The following LIMD1 variants were observed in gnomAD, a reference collection of about 807,000 sequenced individuals.
The protein encoded by LIMD1 is LIM domain-containing protein 1.
Under a neutral mutation model 58.4 loss-of-function variants are expected in LIMD1, and 23 were observed. That is an observed-to-expected ratio of 0.39 (90% CI 0.28 to 0.56). LIMD1 has a LOEUF of 0.56. Among genes scored for constraint, LIMD1 ranks in the 20% least tolerant of loss-of-function variants. The pLI, the probability that LIMD1 is intolerant of heterozygous loss-of-function variation, is 0.57. For synonymous variants in LIMD1, 334 were observed against 345.5 expected, an observed-to-expected ratio of 0.97 and a Z score of 0.37; for missense variants, 838 against 855.5, an observed-to-expected ratio of 0.98 and a Z score of 0.25.
chr3:45,630,787 T>C (rs1246849272), intron 1 of LIMD1, among the ~76,000 whole-genome samples: 2 of 152,170 alleles, frequency 1.3e-5, no homozygotes, highest in South Asian at 2.1e-4. Context: ...ACCTTTGAGT[T>C]GGAACTGGGG....
intron 2 of LIMD1, among the ~76,000 whole-genome samples, chr3:45,663,662 C>G (rs907719544): frequency 6.6e-6 from 1 of 151,914 alleles, no homozygotes; most frequent in African/African-American, 2.4e-5. Flanking sequence ...GCTCATTTCC[C>G]CATTGGATTA....
At chr3:45,607,686 C>T (rs1701480865) in intron 1 of LIMD1, among the ~76,000 whole-genome samples, 1 of 151,954 alleles carries the variant, frequency 6.6e-6, no homozygotes, top group African/African-American at 2.4e-5. Flanking sequence ...AGGCACCCCT[C>T]TTAGCAGGCA....
chr3:45,595,667 G>T lies in LIMD1; in HGVS notation c.788G>T (p.Trp263Leu). The change falls in exon 1 of 8, where the codon TGG becomes TTG. Residue 263 changes from tryptophan (W) to leucine (L), a missense_variant. Trp to Leu is a moderately conservative substitution (Grantham distance 61, BLOSUM62 -2). Coordinates refer to ENST00000273317, the MANE Select transcript of LIMD1 (RefSeq NM_014240.3). ...GRSSEKPTGL[W>L]STASSQRVSP... ...AGCAGCGAGAAGCCAACAGGCCTTT[G>T]GTCCACTGCCTCCTCCCAGCGGGTG... 1.2e-6 allele frequency: 2 copies of T among 1,614,178 alleles called. No individual in the cohort carries two copies. Among genetic ancestry groups the T allele is most frequent in the African/African-American group, 2.7e-5 (2 of 75,068 alleles).
chr3:45,595,109 C>T lies in LIMD1; in HGVS notation c.230C>T (p.Pro77Leu). 1 of 1,610,476 alleles carries T rather than the reference C, an allele frequency of 6.2e-7. No homozygotes were observed. Among genetic ancestry groups the T allele is most frequent in the Non-Finnish European group, 8.5e-7 (1 of 1,178,152 alleles). The change falls in exon 1 of 8, where the codon CCT (proline) becomes CTT (leucine). Residue 77 changes from proline to leucine, a missense_variant. This residue lies in a region of LIMD1 where 659 missense variants were observed against 639.8 expected (regional missense o/e 1.03). Transcript: ENST00000273317. ...EETLPRGSRG[P>L]VNGGGRLGPQ... The stretch of plus-strand genomic sequence containing the variant: ...ACTCTGCCCAGGGGGAGTAGAGGCC[C>T]TGTCAATGGAGGGGGCCGCCTGGGC...
intron 1 of LIMD1, among the ~76,000 whole-genome samples, chr3:45,622,914 C>T (rs918502721): frequency 1.3e-5 from 2 of 152,108 alleles, no homozygotes; most frequent in South Asian, 2.1e-4. Context: ...GTGATGATCC[C>T]GCCTTGGCCT....
intron 2 of LIMD1, among the ~76,000 whole-genome samples, chr3:45,647,128 A>G (rs539313097): frequency 1.3e-5 from 2 of 152,334 alleles, no homozygotes; most frequent in East Asian, 3.9e-4. Flanking sequence ...ACCCCCAAAA[A>G]TGTATGCTGT....
At chr3:45,656,665 G>C (rs568177211) in intron 2 of LIMD1, among the ~76,000 whole-genome samples, 2 of 151,974 alleles carry the variant, frequency 1.3e-5, no homozygotes, top group Non-Finnish European at 2.9e-5. Flanking sequence ...TTACAGGCAC[G>C]CACCACCACA....
chr3:45,609,497 C>T (rs372162669), intron 1 of LIMD1, among the ~76,000 whole-genome samples: 1 of 152,150 alleles, frequency 6.6e-6, no homozygotes, highest in African/African-American at 2.4e-5. Flanking sequence ...CATGTGCCAC[C>T]GCGCCTGGCT....
rs923181432 is a variant in LIMD1, at chr3:45,678,099, T to C, written c.*1040T>C. 1 of 152,650 alleles carries C rather than the reference T, an allele frequency of 6.6e-6. No homozygotes were observed. Among genetic ancestry groups the C allele is most frequent in the South Asian group, 2.1e-4 (1 of 4,838 alleles). 9.5% of individuals were successfully genotyped at this position (152,650 alleles called of 1,614,324 possible). On this transcript the variant is annotated 3_prime_UTR_variant, in exon 8 of 8. Coordinates refer to ENST00000273317, the MANE Select transcript of LIMD1 (RefSeq NM_014240.3). ...AGGATAAGTTATTATATTCATTTCGTTGGTTTCTCTCCTGCCCAATTCTTG... is the reference window on the plus strand; with the variant it reads ...AGGATAAGTTATTATATTCATTTCGCTGGTTTCTCTCCTGCCCAATTCTTG...
In LIMD1 at chr3:45,594,801, A is replaced by ACACACACACACACACACACACAC. The variant is rs1559510603; in HGVS notation, c.-78_-56dup. On this transcript the variant is annotated 5_prime_UTR_variant, in exon 1 of 8. Transcript: ENST00000273317. ...TCAACACACACACACACACACACAC[A>ACACACACACACACACACACACAC]CACACACACACACACACACACACAC... The ACACACACACACACACACACACAC allele has an allele frequency of 2.7e-4, 46 of 172,290 alleles. No homozygotes were observed. Among genetic ancestry groups the ACACACACACACACACACACACAC allele is most frequent in the African/African-American group, 1.2e-3 (32 of 26,450 alleles). The allele number at this position is 172,290 out of a possible 1,614,324, so 10.7% of individuals were successfully genotyped here.
At chr3:45,627,725 A>AG (rs1354244860) in intron 1 of LIMD1, among the ~76,000 whole-genome samples, 1 of 149,846 alleles carries the variant, frequency 6.7e-6, no homozygotes, top group African/African-American at 2.4e-5. Flanking sequence ...AAAAAAAAAA[A>AG]GGCCAGGTGC....
chr3:45,594,797 ACACACACACACACACACACACAC>A lies in LIMD1; in HGVS notation c.-82_-60del. The stretch of plus-strand genomic sequence containing the variant: ...GCCCTCAACACACACACACACACAC[ACACACACACACACACACACACAC>A]ACACACACACACACACACACACACG... On this transcript the variant is annotated 5_prime_UTR_variant, in exon 1 of 8. Coordinates refer to ENST00000273317, the MANE Select transcript of LIMD1 (RefSeq NM_014240.3). 1 of 129,656 alleles carries A rather than the reference ACACACACACACACACACACACAC, an allele frequency of 7.7e-6. No homozygotes were observed. 8.0% of individuals were successfully genotyped at this position (129,656 alleles called of 1,614,324 possible).
intron 2 of LIMD1, among the ~76,000 whole-genome samples, chr3:45,640,041 C>A (rs112400690): frequency 6.4e-4 from 97 of 152,344 alleles, no homozygotes; most frequent in African/African-American, 2.2e-3. Context: ...TGGGTTCCAC[C>A]CAAGGCTGCT....
chr3:45,595,215 G>A lies in LIMD1; in HGVS notation c.336G>A (p.Gly112=), dbSNP rs1701332088. The part of the protein sequence containing the change: ...AAKPPLAAST[G]APGAVTTLAA... Reference sequence around the variant, plus strand: ...AGCCTCCTCTTGCTGCCTCGACAGGGGCACCTGGGGCAGTCACCACCCTCG... The same window carrying A: ...AGCCTCCTCTTGCTGCCTCGACAGGAGCACCTGGGGCAGTCACCACCCTCG... The change falls in exon 1 of 8, where the codon GGG becomes GGA. Residue 112 remains glycine, a synonymous_variant. Transcript: ENST00000273317. The A allele has an allele frequency of 6.2e-7, 1 of 1,601,782 alleles. No individual in the cohort carries two copies. Among genetic ancestry groups the A allele is most frequent in the Admixed American group, 1.7e-5 (1 of 59,582 alleles).
chr3:45,635,870 G>T (rs1364066638), intron 1 of LIMD1: 5 of 985,038 alleles, frequency 5.1e-6, no homozygotes, highest in Non-Finnish European at 6.0e-6. Context: ...CTTTGGGTGG[G>T]GTGAGGGAGG....
chr3:45,595,301 C>G lies in LIMD1; in HGVS notation c.422C>G (p.Thr141Arg), dbSNP rs761151217. ...EQRSRPYLHG[T>R]RHGSQDCGSR... ...AGATCCAGGCCATACCTGCATGGCA[C>G]GAGGCATGGCAGCCAGGACTGTGGT... Residue 141 changes from threonine to arginine, a missense_variant, in exon 1 of 8, where the codon ACG becomes AGG. Coordinates refer to ENST00000273317, the MANE Select transcript of LIMD1 (RefSeq NM_014240.3). 1.5e-5 allele frequency: 24 copies of G among 1,613,232 alleles called. No homozygotes were observed. Among genetic ancestry groups the G allele is most frequent in the Non-Finnish European group, 1.9e-5 (23 of 1,180,030 alleles).
chr3:45,622,071 A>AG (rs1473295209), intron 1 of LIMD1, among the ~76,000 whole-genome samples: 1 of 152,016 alleles, frequency 6.6e-6, no homozygotes, highest in Non-Finnish European at 1.5e-5. Context: ...CAAAAAAAAA[A>AG]AAAAAGAAAT....
Position 45,683,759 on chromosome 3 carries a change from A to C in LIMD1, c.*6700A>C, listed in dbSNP as rs1264407808. 6.6e-6 allele frequency: 1 copy of C among 152,152 alleles called. No homozygotes were observed. Among genetic ancestry groups the C allele is most frequent in the African/African-American group, 2.4e-5 (1 of 41,432 alleles). The allele number at this position is 152,152 out of a possible 1,614,324, so 9.4% of individuals were successfully genotyped here. A position where few individuals can be genotyped will look rare whatever the true frequency, so the allele number is the denominator to read the frequency against. ...TTCTTGAGCTGCTTGGGCTGCTCCC[A>C]CCCTGTGGAGCGTACTTTCGTTTTT... On this transcript the variant is annotated 3_prime_UTR_variant, in exon 8 of 8. Coordinates refer to ENST00000273317, the MANE Select transcript of LIMD1 (RefSeq NM_014240.3).
intron 2 of LIMD1, among the ~76,000 whole-genome samples, chr3:45,646,707 T>TG (rs768375420): frequency 0.083 from 12,487 of 150,820 alleles, 542 homozygotes; most frequent in East Asian, 0.14. Context: ...TTTTTTTTTT[T>TG]GAGACAGTCT....
Sources: gnomAD v4.1 joint callset for allele counts (sites outside exome capture counted in the v4.1 genomes callset) on GRCh38, gnomAD v4.1.1 for gene constraint, gnomAD v4.1.1 regional missense constraint, MANE v1.5 for transcripts, NCBI Gene and HGNC (gene_info 2026-07-23, HGNC 2026-07-21) for gene names.